AOAH: variants seen among roughly 807,000 people sequenced by gnomAD.
AOAH encodes acyloxyacyl hydrolase (neutrophil).
AOAH carries 64 observed loss-of-function variants against 92.2 expected under a neutral mutation model. The observed-to-expected ratio is 0.69, with a 90% CI of 0.57 to 0.86. The LOEUF is 0.86. Among genes scored for constraint, AOAH ranks in the 40% least tolerant of loss-of-function variants. The probability of loss-of-function intolerance (pLI) is 0.00; values close to 1 mark genes in which losing one functional copy is unlikely to be tolerated. For missense variants in AOAH, 656 were observed against 694.6 expected (o/e 0.94, Z 0.62); for synonymous variants, 263 against 254.5 (o/e 1.03, Z -0.32).
At chr7:36,699,607 C>A (rs111274372) in intron 1 of AOAH, among the ~76,000 whole-genome samples, 4 of 145,522 alleles carry the variant, frequency 2.7e-5, no homozygotes, top group African/African-American at 1.0e-4. Flanking sequence ...TCTAGTCAAA[C>A]CATTTGCCCA....
intron 11 of AOAH, among the ~76,000 whole-genome samples, chr7:36,604,768 A>G (rs943087875): frequency 2.0e-5 from 3 of 152,206 alleles, no homozygotes; most frequent in African/African-American, 7.2e-5. Context: ...TAAAAGGGAA[A>G]CACTTCCATC....
At chr7:36,543,947 C>CTTTCTTTCTTTT (rs55745823) in intron 15 of AOAH, among the ~76,000 whole-genome samples, 1 of 91,008 alleles carries the variant, frequency 1.1e-5, no homozygotes, top group African/African-American at 4.3e-5. Context: ...TTCTTTCTTT[C>CTTTCTTTCTTTT]TTTTTTTTTT....
intron 12 of AOAH, among the ~76,000 whole-genome samples, chr7:36,581,271 A>G (rs865805347): frequency 2.0e-5 from 3 of 152,294 alleles, no homozygotes; most frequent in Middle Eastern, 6.8e-3. Flanking sequence ...GAATCTACTA[A>G]GTCAGTTACC....
At chr7:36,621,842 G>A in intron 7 of AOAH, 62 bp from the exon 8 acceptor site, 1 of 1,461,862 alleles carries the variant, frequency 6.8e-7, no homozygotes, top group Non-Finnish European at 9.6e-7. Context: ...CACGAGGAAG[G>A]CTAATCAGAG....
intron 4 of AOAH, among the ~76,000 whole-genome samples, chr7:36,651,734 G>C (rs1366861224): frequency 6.6e-6 from 1 of 152,160 alleles, no homozygotes; most frequent in Non-Finnish European, 1.5e-5. Flanking sequence ...CCTGGGTTGA[G>C]TTCAGATTCC....
In AOAH at chr7:36,593,549, C is replaced by A. The variant is rs117258393; in HGVS notation, c.938+790G>T. ...TAGCTGGTTCTGTCCTGTCTTTAGA[C>A]CTAAAAGCAAAGCTCTACCCTTTCT... On this transcript the variant is annotated intron_variant, in intron 12 of 20. Transcript: ENST00000617537. 3.3e-5 allele frequency among the ~76,000 whole-genome samples: 5 copies of A among 152,282 alleles called. No homozygotes were observed. In the East Asian group the frequency reaches 9.7e-4, roughly 29 times the overall value.
At chr7:36,632,788 C>G (rs1793222304) in intron 5 of AOAH, among the ~76,000 whole-genome samples, 1 of 152,232 alleles carries the variant, frequency 6.6e-6, no homozygotes, top group South Asian at 2.1e-4. Context: ...TTCCTGCCAG[C>G]CCTGAGTCCT....
Position 36,513,278 on chromosome 7 carries a change from C to T in AOAH, c.1702G>A (p.Val568Met). Residue 568 changes from valine to methionine, a missense_variant, in exon 21 of 21, where the codon GTG becomes ATG. Physicochemically the swap from Val to Met is conservative, Grantham distance 21. Coordinates refer to ENST00000617537, the MANE Select transcript of AOAH (RefSeq NM_001637.4). ...ENPFNPQIKQ[V>M]FGDQGGH is the part of the protein sequence containing the mutation. ...CAGTGCCCGCCTTGGTCTCCAAACA[C>T]CTGTTTAATCTGGGGGTTGAACGGA... 1 of 1,614,186 alleles carries T rather than the reference C, an allele frequency of 6.2e-7. No homozygotes were observed. Among genetic ancestry groups the T allele is most frequent in the Non-Finnish European group, 8.5e-7 (1 of 1,180,030 alleles).
intron 1 of AOAH, chr7:36,690,064 C>T: frequency 2.6e-6 from 1 of 382,888 alleles, no homozygotes; most frequent in South Asian, 1.9e-5. Context: ...GCGAATGGGG[C>T]AGCTTGAAAC....
At chr7:36,577,075 G>C (rs1175926454) in intron 12 of AOAH, among the ~76,000 whole-genome samples, 2 of 111,768 alleles carry the variant, frequency 1.8e-5, no homozygotes, top group African/African-American at 6.8e-5. Flanking sequence ...CACTATTATT[G>C]TCCTTCAGCT....
chr7:36,525,395 A>C (rs1028389596), intron 19 of AOAH, among the ~76,000 whole-genome samples: 39 of 152,220 alleles, frequency 2.6e-4, no homozygotes, highest in African/African-American at 9.2e-4. Context: ...CTTATACATG[A>C]GTTTCTTAGA....
At chr7:36,555,327 GA>G (rs1411999188) in intron 13 of AOAH, among the ~76,000 whole-genome samples, 4 of 152,318 alleles carry the variant, frequency 2.6e-5, no homozygotes, top group Admixed American at 6.5e-5. Context: ...GCATCCCAGG[GA>G]TGAAGCCCAC....
chr7:36,514,332 G>T, intron 20 of AOAH: 1 of 630,334 alleles, frequency 1.6e-6, no homozygotes, highest in Non-Finnish European at 2.7e-6. Flanking sequence ...TGGGAGTGGA[G>T]GCTGGCTGGG....
At chr7:36,718,857 A>G (rs1189306693) in intron 1 of AOAH, among the ~76,000 whole-genome samples, 1 of 152,192 alleles carries the variant, frequency 6.6e-6, no homozygotes, top group African/African-American at 2.4e-5. Flanking sequence ...CTGGAATTAG[A>G]TATTGGTGAT....
At chr7:36,552,687 G>T (rs1445266716) in intron 13 of AOAH, among the ~76,000 whole-genome samples, 1 of 152,094 alleles carries the variant, frequency 6.6e-6, no homozygotes, top group African/African-American at 2.4e-5. Context: ...TTTAATAATC[G>T]CTGCTCTGAC....
At chr7:36,659,727 C>G (rs1194186562) in intron 3 of AOAH, among the ~76,000 whole-genome samples, 1 of 151,512 alleles carries the variant, frequency 6.6e-6, no homozygotes, top group East Asian at 1.9e-4. Flanking sequence ...CTATTCTATT[C>G]CCTTATAAAC....
At chr7:36,544,304 G>A (rs1018010977) in intron 15 of AOAH, among the ~76,000 whole-genome samples, 3 of 152,078 alleles carry the variant, frequency 2.0e-5, no homozygotes, top group African/African-American at 7.2e-5. Context: ...GGTGATGTTT[G>A]GGGGAGACTT....
chr7:36,632,082 T>C lies in AOAH; in HGVS notation c.475A>G (p.Ile159Val), dbSNP rs1793151675. The C allele has an allele frequency of 6.2e-7, 1 of 1,612,232 alleles. No individual in the cohort carries two copies. Among genetic ancestry groups the C allele is most frequent in the Non-Finnish European group, 8.5e-7 (1 of 1,179,438 alleles). The part of the protein sequence containing the change: ...ILKYSRSGSD[I>V]CSLPVLAKIC... The stretch of plus-strand genomic sequence containing the variant: ...TTGGCCAAAACCGGGAGTGAACAAA[T>C]GTCAGAACCACTTCTAGAATATTTC... Residue 159 changes from isoleucine to valine, a missense_variant, in exon 6 of 21, where the codon ATT (isoleucine) becomes GTT (valine). By Grantham distance (29) the Ile-to-Val change is conservative (BLOSUM62 3). Transcript: ENST00000617537.
At chr7:36,699,771 T>C (rs1387177783) in intron 1 of AOAH, among the ~76,000 whole-genome samples, 1 of 152,092 alleles carries the variant, frequency 6.6e-6, no homozygotes, top group East Asian at 1.9e-4. Context: ...TTATTGTTTC[T>C]TTGCTGTGCA....
Sources: gnomAD v4.1 joint callset for allele counts (sites outside exome capture counted in the v4.1 genomes callset) on GRCh38, gnomAD v4.1.1 for gene constraint, MANE v1.5 for transcripts, NCBI Gene and HGNC (gene_info 2026-07-23, HGNC 2026-07-21) for gene names.